HEPHL1: variants seen among roughly 807,000 people sequenced by gnomAD.
HEPHL1 encodes the protein ferroxidase HEPHL1.
In HEPHL1, 123 loss-of-function variants were observed where a neutral mutation model predicts 122.0. That is an observed-to-expected ratio of 1.01 (90% CI 0.87 to 1.17). The LOEUF (loss-of-function observed/expected upper bound fraction) is 1.17, where lower values mean the gene tolerates loss of function less well. HEPHL1 is among the 50% of genes most tolerant of loss of function. The probability of loss-of-function intolerance (pLI) is 0.00; values close to 1 mark genes in which losing one functional copy is unlikely to be tolerated. For synonymous variants in HEPHL1, 527 were observed against 508.9 expected (o/e 1.04, Z -0.48); for missense variants, 1,452 against 1,430.5 (o/e 1.01, Z -0.24).
intron 2 of HEPHL1, among the ~76,000 whole-genome samples, chr11:94,060,369 C>T (rs1396416843): frequency 6.6e-6 from 1 of 151,508 alleles, no homozygotes; most frequent in Non-Finnish European, 1.5e-5. Flanking sequence ...TGTATATATA[C>T]ACTTACATAT....
At chr11:94,081,946 G>A (rs1454551732) in intron 9 of HEPHL1, among the ~76,000 whole-genome samples, 2 of 152,162 alleles carry the variant, frequency 1.3e-5, no homozygotes, top group Non-Finnish European at 2.9e-5. Context: ...GTGAATTGAG[G>A]AAGGGAGTTC....
intron 15 of HEPHL1, among the ~76,000 whole-genome samples, chr11:94,103,902 C>A (rs1946389166): frequency 6.6e-6 from 1 of 152,180 alleles, no homozygotes; most frequent in Non-Finnish European, 1.5e-5. Context: ...ATTTATGCAT[C>A]ACAACAAATA....
chr11:94,091,060 A>T (rs1197750961), intron 12 of HEPHL1, among the ~76,000 whole-genome samples: 1 of 152,184 alleles, frequency 6.6e-6, no homozygotes. Context: ...GAGCTTGTAG[A>T]CTGATAGGTG....
intron 13 of HEPHL1, among the ~76,000 whole-genome samples, chr11:94,096,955 T>G (rs1258064300): frequency 1.3e-5 from 2 of 152,164 alleles, no homozygotes; most frequent in Non-Finnish European, 1.5e-5. Context: ...TTTGTTGATC[T>G]TTTCAAAAAA....
chr11:94,049,043 C>T lies in HEPHL1; in HGVS notation c.415+3126C>T, dbSNP rs1163918719. Among the ~76,000 whole-genome samples the T allele has an allele frequency of 2.0e-5, 3 of 152,002 alleles. No individual in the cohort carries two copies. The South Asian group carries it at 6.2e-4, about 32-fold the overall frequency. On this transcript the variant is annotated intron_variant, in intron 2 of 19. Coordinates refer to ENST00000315765, the MANE Select transcript of HEPHL1 (RefSeq NM_001098672.2). ...GGCTGAGGCAGGATAGTCGCTTGAACCTGGGAGGTGGAGGCTGCAGTGAGC... is the reference window on the plus strand; with the variant it reads ...GGCTGAGGCAGGATAGTCGCTTGAATCTGGGAGGTGGAGGCTGCAGTGAGC...
intron 1 of HEPHL1, among the ~76,000 whole-genome samples, chr11:94,027,774 T>A (rs1945639258): frequency 6.6e-6 from 1 of 152,080 alleles, no homozygotes. Context: ...AGGGCTTCTG[T>A]GGAAATGAAG....
chr11:94,036,021 C>G (rs1945719141), intron 1 of HEPHL1, among the ~76,000 whole-genome samples: 1 of 152,234 alleles, frequency 6.6e-6, no homozygotes, highest in Non-Finnish European at 1.5e-5. Context: ...CAGGCGTGAG[C>G]CAACGCGCCC....
At chr11:94,060,264 CAT>C (rs1327239271) in intron 2 of HEPHL1, among the ~76,000 whole-genome samples, 2 of 150,998 alleles carry the variant, frequency 1.3e-5, no homozygotes, top group African/African-American at 2.4e-5. Flanking sequence ...AGCAATCATA[CAT>C]ACACACATAT....
chr11:94,057,055 G>A (rs558122051), intron 2 of HEPHL1, among the ~76,000 whole-genome samples: 2 of 152,162 alleles, frequency 1.3e-5, no homozygotes, highest in African/African-American at 4.8e-5. Context: ...TTTCCTCCCT[G>A]GCACTTTAGG....
Position 94,082,463 on chromosome 11 carries a change from G to A in HEPHL1, c.1762G>A (p.Glu588Lys), listed in dbSNP as rs1462717051. 8.7e-6 allele frequency: 14 copies of A among 1,612,252 alleles called. No homozygotes were observed. The highest frequency in any genetic ancestry group is 2.7e-5 in the African/African-American group (2 of 74,864). ...EFYLLFTVFD[E>K]NLSRYFDENI... ...TTACCTACTGTTCACAGTCTTTGAT[G>A]AGAATCTGAGCAGATATTTTGATGA... The change falls in exon 10 of 20, where the codon GAG becomes AAG. Residue 588 changes from glutamate to lysine, a missense_variant. Glu to Lys is a moderately conservative substitution (Grantham distance 56, BLOSUM62 1). Coordinates refer to ENST00000315765, the MANE Select transcript of HEPHL1 (RefSeq NM_001098672.2).
chr11:94,047,681 T>G (rs1270678700), intron 2 of HEPHL1, among the ~76,000 whole-genome samples: 1 of 152,168 alleles, frequency 6.6e-6, no homozygotes, highest in African/African-American at 2.4e-5. Flanking sequence ...ACCAAGATAG[T>G]TGTGCCTGCC....
chr11:94,049,716 GC>G (rs1364639124), intron 2 of HEPHL1, among the ~76,000 whole-genome samples: 1 of 151,790 alleles, frequency 6.6e-6, no homozygotes, highest in African/African-American at 2.4e-5. Context: ...TTGGACCAAT[GC>G]CACAGTGTCT....
intron 1 of HEPHL1, among the ~76,000 whole-genome samples, chr11:94,032,572 C>T (rs1945684940): frequency 6.6e-6 from 1 of 152,184 alleles, no homozygotes; most frequent in Non-Finnish European, 1.5e-5. Context: ...CTTTGGGAGG[C>T]ATACCCAGCA....
intron 1 of HEPHL1, among the ~76,000 whole-genome samples, chr11:94,030,232 A>T (rs1199100069): frequency 6.6e-6 from 1 of 152,190 alleles, no homozygotes; most frequent in Non-Finnish European, 1.5e-5. Flanking sequence ...ACCCATTGTC[A>T]GCTATAAAAC....
At chr11:94,074,585 T>A (rs986896035) in intron 8 of HEPHL1, among the ~76,000 whole-genome samples, 1 of 152,072 alleles carries the variant, frequency 6.6e-6, no homozygotes, top group Non-Finnish European at 1.5e-5. Context: ...CCTTGTCTAG[T>A]AGGAAAGAAT....
intron 8 of HEPHL1, among the ~76,000 whole-genome samples, chr11:94,073,794 T>C (rs1035686723): frequency 6.6e-6 from 1 of 152,180 alleles, no homozygotes; most frequent in Non-Finnish European, 1.5e-5. Context: ...GCAGGTTGCA[T>C]AGGATTCTGC....
chr11:94,089,008 G>A (rs769356905), intron 12 of HEPHL1, 40 bp downstream of exon 12: 7 of 1,566,214 alleles, frequency 4.5e-6, no homozygotes, highest in South Asian at 3.3e-5. Flanking sequence ...CGGTGGGATC[G>A]CGCATGCTCC....
intron 1 of HEPHL1, among the ~76,000 whole-genome samples, chr11:94,042,377 A>G (rs1369688817): frequency 7.0e-6 from 1 of 142,200 alleles, no homozygotes; most frequent in African/African-American, 2.7e-5. Context: ...ATTACTGGGT[A>G]TATACCCAAA....
intron 10 of HEPHL1, among the ~76,000 whole-genome samples, chr11:94,084,997 A>C (rs1400351823): frequency 6.6e-6 from 1 of 152,224 alleles, no homozygotes; most frequent in African/African-American, 2.4e-5. Context: ...AAGTAATTTT[A>C]TTTGACAATG....
Sources: allele counts gnomAD v4.1 joint callset (sites outside exome capture counted in the v4.1 genomes callset), GRCh38; gene constraint gnomAD v4.1.1; transcripts MANE v1.5; gene names NCBI Gene and HGNC (gene_info 2026-07-23, HGNC 2026-07-21).